RASGEF1A: variants seen among roughly 807,000 people sequenced by gnomAD.
The protein encoded by RASGEF1A is ras-GEF domain-containing family member 1A.
RASGEF1A carries 18 observed loss-of-function variants against 56.4 expected under a neutral mutation model. The ratio of observed to expected loss-of-function variants is 0.32; its 90% confidence interval spans 0.22 to 0.47. The LOEUF (loss-of-function observed/expected upper bound fraction) is 0.47, where lower values mean the gene tolerates loss of function less well. Ranked by LOEUF, RASGEF1A falls within the 20% of genes least tolerant of loss-of-function variation. The pLI is 1.00. For missense variants in RASGEF1A, 422 were observed against 627.1 expected, an observed-to-expected ratio of 0.67 and a Z score of 3.49; for synonymous variants, 245 against 242.6, an observed-to-expected ratio of 1.01 and a Z score of -0.09.
At chr10:43,232,892 T>C (rs992222276) in intron 1 of RASGEF1A, among the ~76,000 whole-genome samples, 1 of 152,144 alleles carries the variant, frequency 6.6e-6, no homozygotes, top group Admixed American at 6.5e-5. Context: ...GGGGATCTCT[T>C]AGAACCTGAG....
chr10:43,255,193 T>C (rs916966493), intron 1 of RASGEF1A, among the ~76,000 whole-genome samples: 5 of 151,962 alleles, frequency 3.3e-5, no homozygotes, highest in African/African-American at 1.2e-4. Context: ...ATCCAGGAAA[T>C]CTCCCAAAGT....
At chr10:43,233,253 T>A (rs1447290862) in intron 1 of RASGEF1A, among the ~76,000 whole-genome samples, 1 of 152,172 alleles carries the variant, frequency 6.6e-6, no homozygotes, top group Non-Finnish European at 1.5e-5. Context: ...TACATCCCAA[T>A]GACTGTAACA....
intron 1 of RASGEF1A, among the ~76,000 whole-genome samples, chr10:43,266,542 C>CGCCCG (rs911156313): frequency 1.7e-4 from 26 of 151,088 alleles, no homozygotes; most frequent in South Asian, 1.2e-3. Context: ...GCTCCTGCCA[C>CGCCCG]GCCCGGCCCG....
At chr10:43,205,117 G>A (rs535417443) in intron 2 of RASGEF1A, among the ~76,000 whole-genome samples, 18 of 152,330 alleles carry the variant, frequency 1.2e-4, no homozygotes, top group African/African-American at 4.3e-4. Flanking sequence ...AAGCTAGAGG[G>A]CAGCATCCCT....
At chr10:43,213,911 G>A (rs1840100936) in intron 1 of RASGEF1A, among the ~76,000 whole-genome samples, 1 of 152,110 alleles carries the variant, frequency 6.6e-6, no homozygotes, top group Middle Eastern at 3.2e-3. Flanking sequence ...GGATTACAGG[G>A]TTTAGCCACT....
intron 1 of RASGEF1A, among the ~76,000 whole-genome samples, 185 bp from the exon 2 acceptor site, chr10:43,206,307 C>T (rs978372045): frequency 6.6e-6 from 1 of 152,200 alleles, no homozygotes; most frequent in Non-Finnish European, 1.5e-5. Context: ...GTCCCCCAGC[C>T]GCTGCACATC....
At chr10:43,221,587 G>C (rs1047060496) in intron 1 of RASGEF1A, among the ~76,000 whole-genome samples, 5 of 152,354 alleles carry the variant, frequency 3.3e-5, no homozygotes, top group Non-Finnish European at 7.4e-5. Flanking sequence ...ACAGCAGGGG[G>C]AGCCAGCCAG....
intron 1 of RASGEF1A, among the ~76,000 whole-genome samples, chr10:43,210,023 G>A (rs116759192): frequency 0.011 from 1,688 of 152,308 alleles, 38 homozygotes; most frequent in African/African-American, 0.038. Flanking sequence ...ATGACCTGTC[G>A]ATTGTCAAAG....
At chr10:43,226,102 G>T (rs1692760756) in intron 1 of RASGEF1A, among the ~76,000 whole-genome samples, 1 of 152,240 alleles carries the variant, frequency 6.6e-6, no homozygotes, top group African/African-American at 2.4e-5. Context: ...GGCCAGTGGT[G>T]CCAGGGGCCG....
chr10:43,201,887 G>A lies in RASGEF1A; in HGVS notation c.380C>T (p.Ala127Val). 1 of 1,612,154 alleles carries A rather than the reference G, an allele frequency of 6.2e-7. No homozygotes were observed. Residue 127 changes from alanine (A) to valine (V), a missense_variant, in exon 4 of 13, where the codon GCC becomes GTC. Transcript: ENST00000395810. ...IVQLLKEWTE[A>V]FPYDFQDEKA... ...CTCATCCTGGAAGTCATAGGGGAAG[G>A]CCTCGGTCCACTCCTTCAGGAGCTG...
intron 1 of RASGEF1A, among the ~76,000 whole-genome samples, chr10:43,242,519 TCTCCCTCTCG>T (rs1014395480): frequency 1.3e-5 from 2 of 151,960 alleles, no homozygotes; most frequent in African/African-American, 2.4e-5. Flanking sequence ...TCTCCCTCTC[TCTCCCTCTCG>T]CTCTCGCTCT....
chr10:43,236,115 C>G (rs1840428089), intron 1 of RASGEF1A, among the ~76,000 whole-genome samples: 1 of 152,164 alleles, frequency 6.6e-6, no homozygotes, highest in Non-Finnish European at 1.5e-5. Context: ...CAAGTTAAAG[C>G]CTTGAGTCAT....
intron 1 of RASGEF1A, among the ~76,000 whole-genome samples, chr10:43,244,197 T>A (rs1405907899): frequency 6.6e-6 from 1 of 152,194 alleles, no homozygotes; most frequent in African/African-American, 2.4e-5. Context: ...GCATGCTCGT[T>A]AAGAGTCATC....
chr10:43,225,576 G>GATGGGT (rs1554827209), intron 1 of RASGEF1A, among the ~76,000 whole-genome samples: 8 of 146,086 alleles, frequency 5.5e-5, no homozygotes, highest in African/African-American at 2.0e-4. Context: ...TCTGTGTATG[G>GATGGGT]GTGTGTGTGT....
intron 4 of RASGEF1A, among the ~76,000 whole-genome samples, chr10:43,201,580 G>A (rs1333215042): frequency 3.3e-5 from 5 of 152,174 alleles, no homozygotes; most frequent in East Asian, 1.9e-4. Flanking sequence ...GCCCGCAACC[G>A]GGCTGCAAGG....
At chr10:43,229,764 T>C in intron 1 of RASGEF1A, 1 of 1,305,062 alleles carries the variant, frequency 7.7e-7, no homozygotes, top group Admixed American at 4.2e-5. Flanking sequence ...CCCCTGCCGC[T>C]GGACGCCTCC....
intron 2 of RASGEF1A, 144 bp from the exon 3 acceptor site, chr10:43,203,564 C>T: frequency 1.5e-6 from 2 of 1,350,318 alleles, no homozygotes; most frequent in Admixed American, 6.4e-5. Context: ...CGGTTCCCTT[C>T]GCCTTGCAGG....
chr10:43,229,122 C>G (rs570601884), intron 1 of RASGEF1A, among the ~76,000 whole-genome samples: 2 of 152,362 alleles, frequency 1.3e-5, no homozygotes, highest in East Asian at 1.9e-4. Context: ...GCGCACACTC[C>G]TCGAAGCCCC....
chr10:43,264,110 C>T (rs963699186), intron 1 of RASGEF1A, among the ~76,000 whole-genome samples: 1 of 152,080 alleles, frequency 6.6e-6, no homozygotes, highest in African/African-American at 2.4e-5. Context: ...ACACAGTGCC[C>T]GCCAAGCCAC....
Sources: allele counts gnomAD v4.1 joint callset (sites outside exome capture counted in the v4.1 genomes callset), GRCh38; gene constraint gnomAD v4.1.1; transcripts MANE v1.5; gene names NCBI Gene and HGNC (gene_info 2026-07-23, HGNC 2026-07-21).